TMEM182: variants seen among roughly 807,000 people sequenced by gnomAD.
TMEM182 encodes transmembrane protein 182.
In TMEM182, 20 loss-of-function variants were observed where a neutral mutation model predicts 26.8. The ratio of observed to expected loss-of-function variants is 0.75; its 90% CI spans 0.53 to 1.09. TMEM182 has a LOEUF of 1.09. Among genes scored for constraint, TMEM182 ranks in the 50% least tolerant of loss-of-function variants. The probability of loss-of-function intolerance (pLI) is 0.00; values close to 1 mark genes in which losing one functional copy is unlikely to be tolerated. For missense variants in TMEM182, 277 were observed against 275.5 expected (o/e 1.01, Z -0.04); for synonymous variants, 109 against 102.2 (o/e 1.07, Z -0.40).
chr2:102,799,443 T>C (rs1476654146), intron 4 of TMEM182, among the ~76,000 whole-genome samples: 2 of 152,240 alleles, frequency 1.3e-5, no homozygotes, highest in Admixed American at 1.3e-4. Context: ...GGCAGATTAA[T>C]TGAAGAAAAG....
chr2:102,766,263 T>C (rs1680429924), intron 3 of TMEM182, among the ~76,000 whole-genome samples: 1 of 152,182 alleles, frequency 6.6e-6, no homozygotes, highest in African/African-American at 2.4e-5. Flanking sequence ...ATGATGGAGA[T>C]GGATTGTAAA....
intron 4 of TMEM182, among the ~76,000 whole-genome samples, chr2:102,813,258 A>C (rs1471765350): frequency 6.6e-6 from 1 of 152,218 alleles, no homozygotes; most frequent in Non-Finnish European, 1.5e-5. Context: ...TCTTTATGAA[A>C]TTGATGGCCC....
intron 3 of TMEM182, among the ~76,000 whole-genome samples, chr2:102,788,963 C>T (rs1681520610): frequency 6.6e-5 from 10 of 152,182 alleles, no homozygotes; most frequent in Admixed American, 6.5e-4. Context: ...GGTGCAGGCA[C>T]TACTGTATTT....
chr2:102,824,047 G>A (rs1479778855), intron 3 of TMEM182, among the ~76,000 whole-genome samples: 3 of 152,100 alleles, frequency 2.0e-5, no homozygotes, highest in Non-Finnish European at 2.9e-5. Context: ...TCAGAAAGAG[G>A]GTTTTAAAAA....
At chr2:102,803,926 C>T (rs928194670) in intron 4 of TMEM182, among the ~76,000 whole-genome samples, 2 of 151,836 alleles carry the variant, frequency 1.3e-5, no homozygotes, top group Non-Finnish European at 2.9e-5. Context: ...GCACATGCAG[C>T]TCTGCCGTCT....
At chr2:102,821,620 G>GT (rs957366256), downstream of TMEM182, among the ~76,000 whole-genome samples, 9 of 152,138 alleles carry the variant, frequency 5.9e-5, no homozygotes, top group African/African-American at 1.9e-4. Flanking sequence ...ACAGTCTCGG[G>GT]TATTTCTTTA....
chr2:102,763,211 G>A (rs2104657925), intron 2 of TMEM182, among the ~76,000 whole-genome samples: 3 of 152,090 alleles, frequency 2.0e-5, no homozygotes, highest in Middle Eastern at 6.8e-3. Context: ...CAAGTTTGTT[G>A]GCACTATCAA....
chr2:102,755,623 G>T (rs1266250327), intron 1 of TMEM182, among the ~76,000 whole-genome samples: 1 of 152,196 alleles, frequency 6.6e-6, no homozygotes, highest in Non-Finnish European at 1.5e-5. Flanking sequence ...AAGATTTATA[G>T]TGTCTTTAAG....
At chr2:102,799,506 A>G (rs1003385419) in intron 4 of TMEM182, among the ~76,000 whole-genome samples, 4 of 152,220 alleles carry the variant, frequency 2.6e-5, no homozygotes, top group South Asian at 2.1e-4. Context: ...TGAAGACCCA[A>G]AAAGATATGG....
At chr2:102,750,403 T>A (rs1250967984) in intron 1 of TMEM182, among the ~76,000 whole-genome samples, 1 of 152,200 alleles carries the variant, frequency 6.6e-6, no homozygotes, top group Non-Finnish European at 1.5e-5. Context: ...CTATACCTGT[T>A]TTTTGCCGAT....
intron 3 of TMEM182, among the ~76,000 whole-genome samples, chr2:102,785,912 T>C (rs1247074390): frequency 1.3e-5 from 2 of 152,200 alleles, no homozygotes; most frequent in African/African-American, 2.4e-5. Flanking sequence ...TATTTTCTAC[T>C]GTCTGTACAA....
At chr2:102,759,427 C>T (rs1680143387), upstream of TMEM182, among the ~76,000 whole-genome samples, 1 of 151,808 alleles carries the variant, frequency 6.6e-6, no homozygotes, top group East Asian at 1.9e-4. Context: ...TCTAACAAAT[C>T]TTTTTTTTAC....
intron 1 of TMEM182, among the ~76,000 whole-genome samples, chr2:102,755,964 C>G (rs941525449): frequency 5.3e-5 from 8 of 152,272 alleles, no homozygotes; most frequent in African/African-American, 1.9e-4. Context: ...GCCGTTAACA[C>G]TTAAAGAACA....
chr2:102,771,153 C>A (rs769706460), intron 3 of TMEM182, among the ~76,000 whole-genome samples: 27 of 152,060 alleles, frequency 1.8e-4, no homozygotes, highest in Non-Finnish European at 2.9e-4. Context: ...AAACTATGCA[C>A]CACAAAATGT....
intron 4 of TMEM182, among the ~76,000 whole-genome samples, chr2:102,812,238 A>G (rs1401831641): frequency 6.6e-6 from 1 of 152,140 alleles, no homozygotes; most frequent in African/African-American, 2.4e-5. Flanking sequence ...ACCTGAATAC[A>G]GTGTCCTTCT....
At chr2:102,741,686 C>A (rs968634422) in intron 1 of TMEM182, among the ~76,000 whole-genome samples, 1 of 152,114 alleles carries the variant, frequency 6.6e-6, no homozygotes, top group South Asian at 2.1e-4. Context: ...ATTATAGAAC[C>A]TTTCCCCTAC....
upstream of TMEM182, chr2:102,758,445 G>GA (rs756545733): frequency 2.1e-5 from 15 of 716,030 alleles, no homozygotes; most frequent in Non-Finnish European, 3.9e-5. Flanking sequence ...ATTTTCTGAA[G>GA]AAAAAAGACA....
rs768855648 is a variant in TMEM182, at chr2:102,815,013, G to A, written c.*45G>A. On this transcript the variant is annotated 3_prime_UTR_variant, in exon 5 of 5. Transcript: ENST00000412401. ...ATTTTCTTGAGAGATTTTAAAACAA[G>A]GAATACTTTTTTTCCATTTTGTTTC... 4 of 1,600,852 alleles carry A rather than the reference G, an allele frequency of 2.5e-6. No individual in the cohort carries two copies. The South Asian group carries it at 4.5e-5, about 18-fold the overall frequency.
At chr2:102,744,020 CTCTA>C (rs1176987677) in intron 1 of TMEM182, among the ~76,000 whole-genome samples, 4 of 152,060 alleles carry the variant, frequency 2.6e-5, no homozygotes, top group Non-Finnish European at 4.4e-5. Context: ...TTTAACACCT[CTCTA>C]TCAGTAATTT....
Sources: allele counts gnomAD v4.1 joint callset (sites outside exome capture counted in the v4.1 genomes callset), GRCh38; gene constraint gnomAD v4.1.1; transcripts MANE v1.5; gene names NCBI Gene and HGNC (gene_info 2026-07-23, HGNC 2026-07-21).